Variants in ACTN2 observed in about 807,000 individuals in gnomAD.
ACTN2 encodes alpha-actinin-2.
In ACTN2, 39 loss-of-function variants were observed where a neutral mutation model predicts 113.8. The observed-to-expected ratio is 0.34, with a 90% CI of 0.27 to 0.45. ACTN2 has a LOEUF of 0.45. Ranked by LOEUF, ACTN2 falls within the 20% of genes least tolerant of loss-of-function variation. The pLI is 1.00. For missense variants in ACTN2, 992 were observed against 1,177.9 expected (o/e 0.84, Z 2.31); for synonymous variants, 429 against 444.1 (o/e 0.97, Z 0.43).
intron 1 of ACTN2, among the ~76,000 whole-genome samples, chr1:236,717,035 A>T (rs1248058528): frequency 6.8e-6 from 1 of 148,106 alleles, no homozygotes; most frequent in African/African-American, 2.5e-5. Flanking sequence ...GGGTTTTACC[A>T]TGTTGGTCAG....
At chr1:236,730,850 C>A (rs1658692899) in intron 6 of ACTN2, among the ~76,000 whole-genome samples, 1 of 152,112 alleles carries the variant, frequency 6.6e-6, no homozygotes, top group African/African-American at 2.4e-5. Context: ...TATTTAAAAT[C>A]AGGGTGCTGG....
At chr1:236,689,322 TATATATATATATATATAC>T (rs67481347) in intron 1 of ACTN2, among the ~76,000 whole-genome samples, 58,228 of 110,280 alleles carry the variant, frequency 0.53, 13,896 homozygotes, top group Non-Finnish European at 0.62. Context: ...TATATATATA[TATATATATATATATATAC>T]ACACACATAT....
chr1:236,703,408 T>A (rs1164343215), intron 1 of ACTN2, among the ~76,000 whole-genome samples: 6 of 151,558 alleles, frequency 4.0e-5, no homozygotes, highest in Non-Finnish European at 2.9e-5. Flanking sequence ...CCAATAGCTT[T>A]CATGCGTTCC....
intron 3 of ACTN2, among the ~76,000 whole-genome samples, chr1:236,719,435 G>T (rs955541843): frequency 2.6e-5 from 4 of 152,144 alleles, no homozygotes; most frequent in Non-Finnish European, 5.9e-5. Context: ...TGTCAGCTGC[G>T]GAATGCCGTA....
intron 6 of ACTN2, among the ~76,000 whole-genome samples, chr1:236,728,188 A>G (rs1266850185): frequency 6.7e-5 from 10 of 148,806 alleles, no homozygotes; most frequent in Admixed American, 2.0e-4. Flanking sequence ...CTGTTGCCCA[A>G]GCTGGAGTGC....
rs1558240090 is a variant in ACTN2 at position 236,737,142 on chromosome 1, G to A, written c.804G>A (p.Arg268=). The stretch of plus-strand genomic sequence containing the variant: ...TACAGGCCGAGACAGCGGCTAACAG[G>A]ATATGTAAGGTTCTTGCTGTGAATC... ...GAEQAETAAN[R]ICKVLAVNQE... is the part of the protein sequence containing the mutation. Residue 268 remains arginine (R), a synonymous_variant, in exon 9 of 21, where the codon AGG becomes AGA. Coordinates refer to ENST00000366578, the MANE Select transcript of ACTN2 (RefSeq NM_001103.4). 6.2e-7 allele frequency: 1 copy of A among 1,605,340 alleles called. No individual in the cohort carries two copies. The highest frequency in any genetic ancestry group is 2.2e-5 in the East Asian group (1 of 44,572).
intron 14 of ACTN2, among the ~76,000 whole-genome samples, 186 bp downstream of exon 14, chr1:236,749,450 G>A (rs1048965392): frequency 3.3e-5 from 5 of 152,064 alleles, no homozygotes; most frequent in South Asian, 4.1e-4. Flanking sequence ...TTGCAAACCC[G>A]TTAAAATCAA....
At chr1:236,723,626 C>T (rs985030736) in intron 4 of ACTN2, among the ~76,000 whole-genome samples, 9 of 151,934 alleles carry the variant, frequency 5.9e-5, no homozygotes, top group African/African-American at 1.5e-4. Flanking sequence ...CCACCGTGCC[C>T]GGCTAATTTT....
intron 10 of ACTN2, among the ~76,000 whole-genome samples, chr1:236,741,448 A>C (rs976676107): frequency 2.0e-5 from 3 of 152,208 alleles, no homozygotes; most frequent in Non-Finnish European, 4.4e-5. Context: ...TGGATATATT[A>C]TAGCATATTA....
intron 4 of ACTN2, 86 bp from the exon 5 acceptor site, chr1:236,725,846 CT>C (rs1438365451): frequency 3.3e-6 from 4 of 1,222,016 alleles, no homozygotes; most frequent in Non-Finnish European, 3.6e-6. Flanking sequence ...GATCGACCCC[CT>C]GGGAGGTCTG....
chr1:236,715,150 T>G (rs988900974), intron 1 of ACTN2, among the ~76,000 whole-genome samples: 8 of 135,606 alleles, frequency 5.9e-5, no homozygotes, highest in Non-Finnish European at 1.1e-4. Context: ...TTGAATTTCT[T>G]TTTCCTTTTT....
intron 4 of ACTN2, among the ~76,000 whole-genome samples, chr1:236,723,296 T>A (rs1249966407): frequency 6.6e-6 from 1 of 152,218 alleles, no homozygotes; most frequent in African/African-American, 2.4e-5. Context: ...TTTAATTAAG[T>A]CTTAACAGTT....
intron 17 of ACTN2, among the ~76,000 whole-genome samples, chr1:236,755,717 C>G (rs867926767): frequency 7.6e-4 from 78 of 102,804 alleles, no homozygotes; most frequent in Middle Eastern, 5.4e-3. Context: ...TGTTAGAACC[C>G]TGGTTATAGA....
chr1:236,746,909 T>A (rs1659254532), intron 12 of ACTN2, among the ~76,000 whole-genome samples: 1 of 152,190 alleles, frequency 6.6e-6, no homozygotes, highest in Non-Finnish European at 1.5e-5. Context: ...AATCCCGCTA[T>A]GTTAGATAAA....
intron 5 of ACTN2, among the ~76,000 whole-genome samples, chr1:236,726,441 A>C (rs1013647747): frequency 1.3e-5 from 2 of 152,208 alleles, no homozygotes; most frequent in Non-Finnish European, 2.9e-5. Context: ...TCCTTCATCC[A>C]TCAGCTTTGC....
At chr1:236,744,053 T>C (rs938004683) in intron 11 of ACTN2, among the ~76,000 whole-genome samples, 15 of 152,184 alleles carry the variant, frequency 9.9e-5, no homozygotes, top group Admixed American at 9.8e-4. Flanking sequence ...GTGGATCCAC[T>C]CGTGACCACA....
chr1:236,725,301 C>T (rs1315755445), intron 4 of ACTN2, among the ~76,000 whole-genome samples: 1 of 152,178 alleles, frequency 6.6e-6, no homozygotes, highest in African/African-American at 2.4e-5. Context: ...CCCCCAGTGT[C>T]ACCTCACACA....
intron 4 of ACTN2, 94 bp from the exon 5 acceptor site, chr1:236,725,839 C>G (rs901392976): frequency 9.0e-7 from 1 of 1,112,220 alleles, no homozygotes; most frequent in Admixed American, 1.7e-5. Context: ...CCTGGGTGAT[C>G]GACCCCCTGG....
chr1:236,751,346 G>A (rs1011976963), intron 14 of ACTN2, 124 bp from the exon 15 acceptor site: 27 of 1,188,254 alleles, frequency 2.3e-5, no homozygotes, highest in African/African-American at 4.5e-5. Flanking sequence ...CATTCAGAAT[G>A]TGTTTTTCTC....
Sources: allele counts gnomAD v4.1 joint callset (sites outside exome capture counted in the v4.1 genomes callset), GRCh38; gene constraint gnomAD v4.1.1; transcripts MANE v1.5; gene names NCBI Gene and HGNC (gene_info 2026-07-23, HGNC 2026-07-21).